The following IFT46 variants were observed in gnomAD, a reference collection of about 807,000 sequenced individuals.
IFT46 encodes intraflagellar transport 46, also known as intraflagellar transport protein 46 homolog.
IFT46 carries 19 observed loss-of-function variants against 39.6 expected under a neutral mutation model. That is an observed-to-expected ratio of 0.48 (90% CI 0.33 to 0.70). The LOEUF (loss-of-function observed/expected upper bound fraction) is 0.70. Among genes scored for constraint, IFT46 ranks in the 30% least tolerant of loss-of-function variants. IFT46 has a pLI of 0.01. For synonymous variants in IFT46, 117 were observed against 134.8 expected (o/e 0.87, Z 0.91); for missense variants, 334 against 364.8 (o/e 0.92, Z 0.69).
chr11:118,553,278 C>A (rs1937713306), intron 7 of IFT46, among the ~76,000 whole-genome samples: 2 of 151,858 alleles, frequency 1.3e-5, no homozygotes, highest in Non-Finnish European at 2.9e-5. Flanking sequence ...CCTGACTCTA[C>A]TAAAAATACA....
chr11:118,556,804 A>G, intron 4 of IFT46, 102 bp downstream of exon 4: 1 of 1,386,920 alleles, frequency 7.2e-7, no homozygotes, highest in Non-Finnish European at 9.6e-7. Context: ...CAGGAGATCA[A>G]AAGAGATGCT....
chr11:118,576,446 AAAAC>A (rs1453023705), upstream of IFT46, among the ~76,000 whole-genome samples: 176 of 147,436 alleles, frequency 1.2e-3, no homozygotes, highest in African/African-American at 4.2e-3. Context: ...AAAAAAAAAA[AAAAC>A]CAAAAACTTT....
intron 2 of IFT46, among the ~76,000 whole-genome samples, chr11:118,562,720 A>C (rs1309307620): frequency 6.6e-6 from 1 of 152,192 alleles, no homozygotes; most frequent in Non-Finnish European, 1.5e-5. Flanking sequence ...TATTCACAAT[A>C]GCCAAAATAT....
At chr11:118,564,539 C>A (rs562097135) in intron 2 of IFT46, among the ~76,000 whole-genome samples, 2 of 151,910 alleles carry the variant, frequency 1.3e-5, no homozygotes, top group South Asian at 4.2e-4. Context: ...AGCGAGGCCT[C>A]GTCTCTATAA....
chr11:118,574,591 C>A (rs1049080022), upstream of IFT46, among the ~76,000 whole-genome samples: 1 of 151,778 alleles, frequency 6.6e-6, no homozygotes, highest in African/African-American at 2.4e-5. Flanking sequence ...GATATCAGTA[C>A]GTAAACATTG....
intron 10 of IFT46, 23 bp downstream of exon 10, chr11:118,545,770 G>A (rs375867935): frequency 9.3e-6 from 15 of 1,610,226 alleles, no homozygotes; most frequent in African/African-American, 2.7e-5. Context: ...AGATGGGGAC[G>A]AGGAAAGGAA....
intron 9 of IFT46, among the ~76,000 whole-genome samples, chr11:118,550,373 C>T (rs1217508651): frequency 2.6e-5 from 4 of 152,254 alleles, no homozygotes; most frequent in Non-Finnish European, 4.4e-5. Context: ...TTAAATTTCT[C>T]CTATATTTTA....
At chr11:118,574,132 CAT>C (rs1218044284), upstream of IFT46, among the ~76,000 whole-genome samples, 1 of 152,074 alleles carries the variant, frequency 6.6e-6, no homozygotes, top group African/African-American at 2.4e-5. Flanking sequence ...GCTATTTTGA[CAT>C]GTGTACGTAT....
chr11:118,546,663 T>A (rs1360150557), intron 9 of IFT46: 1 of 156,658 alleles, frequency 6.4e-6, no homozygotes, highest in Non-Finnish European at 1.4e-5. Context: ...TGCTATTTTT[T>A]CCCCCGATCA....
upstream of IFT46, among the ~76,000 whole-genome samples, chr11:118,576,118 C>T (rs781931432): frequency 1.3e-5 from 2 of 151,918 alleles, no homozygotes; most frequent in Non-Finnish European, 2.9e-5. Context: ...TCCAAGGTCA[C>T]ATAATTAGTG....
At chr11:118,572,596 C>G in exon 1 of IFT46, 1 of 1,595,772 alleles carries the variant, frequency 6.3e-7, no homozygotes, top group Non-Finnish European at 8.5e-7. Context: ...CGAGCCTCAC[C>G]GTCTCTCCTT....
In IFT46 at chr11:118,556,966, G is replaced by C; in HGVS notation, c.125C>G (p.Ser42Ter). The change falls in exon 4 of 12, where the codon TCA becomes TGA. Residue 42 changes from serine to a stop codon, truncating the protein, a stop_gained. Coordinates refer to ENST00000264021, the MANE Select transcript of IFT46 (RefSeq NM_001168618.2). LOFTEE classifies it high-confidence loss of function. The part of the protein sequence containing the change: ...NEDDDDDDDD[S>*]SETDSDSDDD... ...ATCAGAATCAGAATCAGTTTCAGAT[G>C]AATCATCATCATCATCATCGTCATC... The C allele has an allele frequency of 6.2e-7, 1 of 1,611,208 alleles. No individual in the cohort carries two copies. The highest frequency in any genetic ancestry group is 8.5e-7 in the Non-Finnish European group (1 of 1,178,192).
chr11:118,553,168 T>C (rs918335725), intron 7 of IFT46, among the ~76,000 whole-genome samples: 1 of 151,262 alleles, frequency 6.6e-6, no homozygotes, highest in Non-Finnish European at 1.5e-5. Flanking sequence ...TAGGCTGGGC[T>C]TGGTGGCTCA....
upstream of IFT46, among the ~76,000 whole-genome samples, chr11:118,567,740 G>C (rs1165210480): frequency 6.6e-6 from 1 of 152,162 alleles, no homozygotes; most frequent in Non-Finnish European, 1.5e-5. Context: ...AAAAATTTGT[G>C]ATCTGTTTTG....
intron 9 of IFT46, 93 bp downstream of exon 9, chr11:118,551,690 AGTT>A (rs1937644201): frequency 2.4e-6 from 2 of 840,830 alleles, no homozygotes; most frequent in Non-Finnish European, 1.9e-6. Flanking sequence ...AAAAAAAAAA[AGTT>A]ACCAATAATA....
At chr11:118,557,595 T>C (rs1363530533) in intron 3 of IFT46, 5 of 992,442 alleles carry the variant, frequency 5.0e-6, no homozygotes, top group African/African-American at 4.8e-5. Flanking sequence ...CTATGGACTT[T>C]CCATTTTTGT....
chr11:118,573,581 G>A, upstream of IFT46: 1 of 653,128 alleles, frequency 1.5e-6, no homozygotes, highest in South Asian at 1.6e-5. Flanking sequence ...TCTTTTGAAG[G>A]ATGTTCTGTT....
At chr11:118,557,887 G>A in intron 3 of IFT46, 1 of 1,577,026 alleles carries the variant, frequency 6.3e-7, no homozygotes, top group South Asian at 1.2e-5. Flanking sequence ...CCCTCCCTTA[G>A]GACCTGAAGG....
chr11:118,547,703 T>A (rs1555067474), intron 9 of IFT46, among the ~76,000 whole-genome samples: 1 of 151,464 alleles, frequency 6.6e-6, no homozygotes, highest in East Asian at 1.9e-4. Context: ...ATTACAGGCA[T>A]GAGCCACCGT....
Sources: allele counts gnomAD v4.1 joint callset (sites outside exome capture counted in the v4.1 genomes callset), GRCh38; gene constraint gnomAD v4.1.1; transcripts MANE v1.5; gene names NCBI Gene and HGNC (gene_info 2026-07-23, HGNC 2026-07-21).